Variants in RIPK4 observed in about 807,000 individuals in gnomAD.
RIPK4 encodes receptor interacting serine/threonine kinase 4, also known as receptor-interacting serine/threonine-protein kinase 4.
RIPK4 carries 17 observed loss-of-function variants against 42.9 expected under a neutral mutation model. The observed-to-expected ratio is 0.40, with a 90% CI of 0.27 to 0.59. The LOEUF is 0.59. Among genes scored for constraint, RIPK4 ranks in the 20% least tolerant of loss-of-function variants. The probability of loss-of-function intolerance (pLI) is 0.47; values close to 1 mark genes in which losing one functional copy is unlikely to be tolerated. For synonymous variants in RIPK4, 498 were observed against 499.1 expected, an observed-to-expected ratio of 1.00 and a Z score of 0.03; for missense variants, 897 against 1,104.4, an observed-to-expected ratio of 0.81 and a Z score of 2.66.
chr21:41,756,528 G>A lies in RIPK4; in HGVS notation c.471C>T (p.Val157=). 6.2e-7 allele frequency: 1 copy of A among 1,611,848 alleles called. No individual in the cohort carries two copies. Among genetic ancestry groups the A allele is most frequent in the Admixed American group, 1.7e-5 (1 of 60,016 alleles). The change falls in exon 2 of 8, where the codon GTC becomes GTT. Residue 157 remains valine, a synonymous_variant. Coordinates refer to ENST00000332512, the MANE Select transcript of RIPK4 (RefSeq NM_020639.3). Reference sequence around the variant, plus strand: ...CGGGCACCGTGCGGCCCCCCACCTTGACGTGGTAGTGGGCATCCAGCAGGA... The same window carrying A: ...CGGGCACCGTGCGGCCCCCCACCTTAACGTGGTAGTGGGCATCCAGCAGGA... ...ANILLDAHYH[V]KISDFGLAKC...
At chr21:41,744,513 C>T (rs1305659070) in intron 6 of RIPK4, among the ~76,000 whole-genome samples, 2 of 152,196 alleles carry the variant, frequency 1.3e-5, no homozygotes, top group African/African-American at 4.8e-5. Flanking sequence ...AGCACGGAGA[C>T]ATCTTAAGGA....
rs940455322 is a variant in RIPK4 at position 41,751,278 on chromosome 21, G to T, written c.475-33C>A. 3 of 1,609,076 alleles carry T rather than the reference G, an allele frequency of 1.9e-6. No homozygotes were observed. The highest frequency in any genetic ancestry group is 2.5e-6 in the Non-Finnish European group (3 of 1,176,790). On this transcript the variant is annotated intron_variant, in intron 2 of 7. Coordinates refer to ENST00000332512, the MANE Select transcript of RIPK4 (RefSeq NM_020639.3). This position sits in a 1 kb window ranked among gnomAD's most constrained non-coding sequence, Gnocchi z 4.5. The stretch of plus-strand genomic sequence containing the variant: ...ACAGCCATCAGAGCGGGGCTCATTA[G>T]CCTGCAACAGTGATATTTTATGATG...
intron 1 of RIPK4, among the ~76,000 whole-genome samples, chr21:41,763,430 C>A (rs530639843): frequency 5.3e-5 from 8 of 152,192 alleles, no homozygotes; most frequent in Non-Finnish European, 1.0e-4. Flanking sequence ...CCTGCAAGCA[C>A]GCATCCTGGA....
In RIPK4 at chr21:41,746,548, C is replaced by G. The variant is rs576985115; in HGVS notation, c.832+65G>C. ...CCCAGGCCTGGTCCCTCACCCTGTCCTGTCTGTCACCTCTGTCTCCTGTGA... is the reference window on the plus strand; with the variant it reads ...CCCAGGCCTGGTCCCTCACCCTGTCGTGTCTGTCACCTCTGTCTCCTGTGA... On this transcript the variant is annotated intron_variant, in intron 5 of 7. Coordinates refer to ENST00000332512, the MANE Select transcript of RIPK4 (RefSeq NM_020639.3). 2.5e-6 allele frequency: 4 copies of G among 1,577,548 alleles called. No individual in the cohort carries two copies. In the African/African-American group the frequency reaches 5.4e-5, roughly 21 times the overall value.
rs1410414466 is a variant in RIPK4 at position 41,755,701 on chromosome 21, T to G, written c.474+824A>C. Reference sequence around the variant, plus strand: ...GACACCAGTGTCATGTGGACCAGCCTATCACCCTGGGCCTCCCAAGAGCAT... The same window carrying G: ...GACACCAGTGTCATGTGGACCAGCCGATCACCCTGGGCCTCCCAAGAGCAT... On this transcript the variant is annotated intron_variant, in intron 2 of 7. Coordinates refer to ENST00000332512, the MANE Select transcript of RIPK4 (RefSeq NM_020639.3). The surrounding 1 kb of genome is among the most constrained non-coding windows in gnomAD (Gnocchi z 4.2). Among the ~76,000 whole-genome samples, 1 of 152,168 alleles carries G rather than the reference T, an allele frequency of 6.6e-6. No homozygotes were observed. Among genetic ancestry groups the G allele is most frequent in the African/African-American group, 2.4e-5 (1 of 41,428 alleles).
In RIPK4 at chr21:41,739,673, T is replaced by G. The variant is rs2061146351; in HGVS notation, c.*1165A>C. ...CAGAAGGCACCCTATGGGACACAGG[T>G]GACAGTGAAGTTACGAGGCTAGATG... On this transcript the variant is annotated 3_prime_UTR_variant, in exon 8 of 8. Transcript: ENST00000332512. 6.6e-6 allele frequency: 1 copy of G among 152,174 alleles called. No homozygotes were observed. Among genetic ancestry groups the G allele is most frequent in the African/African-American group, 2.4e-5 (1 of 41,430 alleles). The allele number at this position is 152,174 out of a possible 1,614,324, so 9.4% of individuals were successfully genotyped here. A position where few individuals can be genotyped will look rare whatever the true frequency, so the allele number is the denominator to read the frequency against.
chr21:41,751,394 C>T lies in RIPK4; in HGVS notation c.475-149G>A. ...GCCGTGTCTGTGCCTCTCCAGGTAG[C>T]CCTGCCCCAGGCAGGGAGGGAGACA... is the stretch of plus-strand genomic sequence containing the variant. On this transcript the variant is annotated intron_variant, in intron 2 of 7. Coordinates refer to ENST00000332512, the MANE Select transcript of RIPK4 (RefSeq NM_020639.3). The surrounding 1 kb of genome is among the most constrained non-coding windows in gnomAD (Gnocchi z 4.5). The T allele has an allele frequency of 1.9e-6, 2 of 1,078,538 alleles. No individual in the cohort carries two copies. The highest frequency in any genetic ancestry group is 2.6e-6 in the Non-Finnish European group (2 of 769,984). 66.8% of individuals were successfully genotyped at this position (1,078,538 alleles called of 1,614,324 possible). A position where few individuals can be genotyped will look rare whatever the true frequency, so the allele number is the denominator to read the frequency against.
chr21:41,743,964 G>C lies in RIPK4; in HGVS notation c.1113C>G (p.Leu371=). The change falls in exon 7 of 8, where the codon CTC becomes CTG. Residue 371 remains leucine, a synonymous_variant. Coordinates refer to ENST00000332512, the MANE Select transcript of RIPK4 (RefSeq NM_020639.3). ...KLPSSGSGKR[L]SGVSSVDSAF... is the part of the protein sequence containing the mutation. ...CGGAGTCCACCGAGGACACCCCCGA[G>C]AGCCTCTTCCCACTGCCGGACGATG... 1 of 1,613,518 alleles carries C rather than the reference G, an allele frequency of 6.2e-7. No individual in the cohort carries two copies. Among genetic ancestry groups the C allele is most frequent in the South Asian group, 1.1e-5 (1 of 91,082 alleles).
intron 6 of RIPK4, among the ~76,000 whole-genome samples, chr21:41,745,484 G>A (rs779784824): frequency 3.3e-5 from 5 of 152,160 alleles, no homozygotes; most frequent in African/African-American, 7.2e-5. Context: ...TCTGATCCCC[G>A]TGGTCCACAC....
rs1231238970 is a variant in RIPK4, at chr21:41,739,795, C to T, written c.*1043G>A. The T allele has an allele frequency of 2.6e-5, 4 of 152,318 alleles. No homozygotes were observed. Among genetic ancestry groups the T allele is most frequent in the African/African-American group, 9.6e-5 (4 of 41,482 alleles). The allele number at this position is 152,318 out of a possible 1,614,324, so 9.4% of individuals were successfully genotyped here. A position where few individuals can be genotyped will look rare whatever the true frequency, so the allele number is the denominator to read the frequency against. On this transcript the variant is annotated 3_prime_UTR_variant, in exon 8 of 8. Transcript: ENST00000332512. ...CAAAGCAGGTCAGAAACACTCCCCC[C>T]ATACCCCAAAACACTATCCCTATCC... is the stretch of plus-strand genomic sequence containing the variant.
chr21:41,741,772 G>A lies in RIPK4; in HGVS notation c.1421C>T (p.Pro474Leu), dbSNP rs970090763. Residue 474 changes from proline to leucine, a missense_variant, in exon 8 of 8, where the codon CCG becomes CTG. Transcript: ENST00000332512. ...CCTCCTCTCCACGGCCATGTGCAAC[G>A]GGGTGGAGCCCCTACGGTTGCTCAG... is the stretch of plus-strand genomic sequence containing the variant. The part of the protein sequence containing the change: ...PNLSNRRGST[P>L]LHMAVERRVR... 6 of 1,611,654 alleles carry A rather than the reference G, an allele frequency of 3.7e-6. No homozygotes were observed. Among genetic ancestry groups the A allele is most frequent in the East Asian group, 2.2e-5 (1 of 44,890 alleles).
chr21:41,740,093 G>C lies in RIPK4; in HGVS notation c.*745C>G, dbSNP rs190968678. On this transcript the variant is annotated 3_prime_UTR_variant, in exon 8 of 8. Transcript: ENST00000332512. ...CTCTAGAGTTGCCAAAACATCTTAG[G>C]CAACGAGAAACGAACGGCAGCTAGT... 16 of 152,154 alleles carry C rather than the reference G, an allele frequency of 1.1e-4. No homozygotes were observed. The East Asian group carries it at 2.7e-3, about 26-fold the overall frequency. 9.4% of individuals were successfully genotyped at this position (152,154 alleles called of 1,614,324 possible).
Position 41,741,730 on chromosome 21 carries a change from T to A in RIPK4, c.1463A>T (p.Glu488Val). 6.2e-7 allele frequency: 1 copy of A among 1,612,956 alleles called. No individual in the cohort carries two copies. The highest frequency in any genetic ancestry group is 8.5e-7 in the Non-Finnish European group (1 of 1,180,000). The change falls in exon 8 of 8, where the codon GAG (glutamate) becomes GTG (valine). Residue 488 changes from glutamate to valine, a missense_variant. Transcript: ENST00000332512. ...ACTGATCTTCCGCGCCAGCAGGAGC[T>A]CCACGACACCCCGCACCCTCCTCTC... is the stretch of plus-strand genomic sequence containing the variant. ...AVERRVRGVV[E>V]LLLARKISVN... is the part of the protein sequence containing the mutation.
rs549919999 is a variant in RIPK4 at position 41,755,860 on chromosome 21, T to C, written c.474+665A>G. Among the ~76,000 whole-genome samples the C allele has an allele frequency of 6.6e-6, 1 of 152,380 alleles. No individual in the cohort carries two copies. The highest frequency in any genetic ancestry group is 1.5e-5 in the Non-Finnish European group (1 of 68,030). On this transcript the variant is annotated intron_variant, in intron 2 of 7. Transcript: ENST00000332512. The surrounding 1 kb of genome is among the most constrained non-coding windows in gnomAD (Gnocchi z 4.2). Reference sequence around the variant, plus strand: ...TACAGCCCTGATGCAAAGGTGATGATGCTAACACCTGCCAAGGCCCAGAGG... The same window carrying C: ...TACAGCCCTGATGCAAAGGTGATGACGCTAACACCTGCCAAGGCCCAGAGG...
intron 3 of RIPK4, among the ~76,000 whole-genome samples, chr21:41,750,509 G>A (rs1275888076): frequency 3.3e-5 from 5 of 152,132 alleles, no homozygotes; most frequent in African/African-American, 1.2e-4. Context: ...CAACAGACAA[G>A]CCATAAAGCC....
chr21:41,766,815 C>T (rs1362439681), intron 1 of RIPK4, 45 bp downstream of exon 1: 1 of 1,571,592 alleles, frequency 6.4e-7, no homozygotes, highest in Non-Finnish European at 8.6e-7. Context: ...ACCCCGACCC[C>T]AGCCCGGGCC....
At position 41,745,792 on chromosome 21, in the gene RIPK4, C is replaced by T; in HGVS notation, c.903G>A (p.Leu301=). ...TGGGCTCCGGGGGGCTTTTCACGTC[C>T]AGATCATGAGCAGTTTCTTTCACTT... ...DDEVKETAHD[L]DVKSPPEPRS... The change falls in exon 6 of 8, where the codon CTG becomes CTA. Residue 301 remains leucine, a synonymous_variant. Coordinates refer to ENST00000332512, the MANE Select transcript of RIPK4 (RefSeq NM_020639.3). The T allele has an allele frequency of 5.0e-6, 8 of 1,614,238 alleles. No homozygotes were observed. The highest frequency in any genetic ancestry group is 6.8e-6 in the Non-Finnish European group (8 of 1,180,032).
Position 41,745,850 on chromosome 21 carries a change from T to G in RIPK4, c.845A>C (p.Glu282Ala), listed in dbSNP as rs2061169052. ...VRPTFQEITS[E>A]TEDLCEKPDD... The stretch of plus-strand genomic sequence containing the variant: ...AGGCTTTTCACACAGGTCCTCGGTT[T>G]CAGAAGTAATTTCTTGTGGGGAAGA... Residue 282 changes from glutamate to alanine, a missense_variant, in exon 6 of 8, where the codon GAA becomes GCA. By Grantham distance (107) the Glu-to-Ala change is moderately radical. Transcript: ENST00000332512. 2 of 1,613,818 alleles carry G rather than the reference T, an allele frequency of 1.2e-6. No homozygotes were observed. Among genetic ancestry groups the G allele is most frequent in the Non-Finnish European group, 1.7e-6 (2 of 1,179,782 alleles).
chr21:41,751,158 G>C lies in RIPK4; in HGVS notation c.562C>G (p.Leu188Val). The change falls in exon 3 of 8, where the codon CTC becomes GTC. Residue 188 changes from leucine to valine, a missense_variant. Coordinates refer to ENST00000332512, the MANE Select transcript of RIPK4 (RefSeq NM_020639.3). The surrounding 1 kb of genome is among the most constrained non-coding windows in gnomAD (Gnocchi z 4.5). Reference sequence around the variant, plus strand: ...TTCTCCCTGATGCGCTCTGGAGGGAGGTAGGCGATTGTGCCAAACAGGCCA... The same window carrying C: ...TTCTCCCTGATGCGCTCTGGAGGGACGTAGGCGATTGTGCCAAACAGGCCA... ...MDGLFGTIAY[L>V]PPERIREKSR... The C allele has an allele frequency of 1.2e-6, 2 of 1,614,266 alleles. No homozygotes were observed. The highest frequency in any genetic ancestry group is 1.7e-6 in the Non-Finnish European group (2 of 1,180,044).
Sources: allele counts gnomAD v4.1 joint callset (sites outside exome capture counted in the v4.1 genomes callset), GRCh38; gene constraint gnomAD v4.1.1; non-coding constraint Gnocchi (gnomAD v3.1); transcripts MANE v1.5; gene names NCBI Gene and HGNC (gene_info 2026-07-23, HGNC 2026-07-21).